Variants in SAMD12 observed in about 807,000 individuals in gnomAD.
The protein encoded by SAMD12 is sterile alpha motif domain containing 12.
A neutral mutation model predicts 15.0 loss-of-function variants in SAMD12; 9 were observed. The ratio of observed to expected loss-of-function variants is 0.60; its 90% CI spans 0.36 to 1.05. The LOEUF (loss-of-function observed/expected upper bound fraction) is 1.05, where lower values mean the gene tolerates loss of function less well. Among genes scored for constraint, SAMD12 ranks in the 50% least tolerant of loss-of-function variants. The probability of loss-of-function intolerance (pLI) is 0.01; values close to 1 mark genes in which losing one functional copy is unlikely to be tolerated. For synonymous variants in SAMD12, 86 were observed against 90.1 expected (o/e 0.96, Z 0.25); for missense variants, 230 against 234.2 (o/e 0.98, Z 0.12).
chr8:118,264,224 AG>A (rs1328319323), intron 4 of SAMD12, among the ~76,000 whole-genome samples: 11 of 152,072 alleles, frequency 7.2e-5, no homozygotes, highest in African/African-American at 2.2e-4. Flanking sequence ...GTGTTTATGT[AG>A]TACAAATACT....
At chr8:118,432,817 A>ACTCCTCTAAG (rs1417514516) in intron 3 of SAMD12, among the ~76,000 whole-genome samples, 1 of 152,084 alleles carries the variant, frequency 6.6e-6, no homozygotes, top group Non-Finnish European at 1.5e-5. Flanking sequence ...AGGAGGAGGG[A>ACTCCTCTAAG]GTATAGGCAA....
At chr8:118,518,364 A>C (rs1288565936) in intron 2 of SAMD12, among the ~76,000 whole-genome samples, 1 of 152,222 alleles carries the variant, frequency 6.6e-6, no homozygotes, top group Non-Finnish European at 1.5e-5. Context: ...GATAGGAAGT[A>C]ACAAAGGCGA....
At chr8:118,353,489 G>C (rs1297798078) in intron 4 of SAMD12, among the ~76,000 whole-genome samples, 1 of 151,932 alleles carries the variant, frequency 6.6e-6, no homozygotes, top group Non-Finnish European at 1.5e-5. Context: ...TCTCCTCCGT[G>C]TGAGGCAACT....
At chr8:118,373,950 G>A (rs891063227), downstream of SAMD12, among the ~76,000 whole-genome samples, 13 of 151,864 alleles carry the variant, frequency 8.6e-5, no homozygotes, top group Non-Finnish European at 1.5e-4. Flanking sequence ...TTTTTACTTC[G>A]TAAAGCAGGG....
At chr8:118,156,234 T>C in the SAMD12 span, among the ~76,000 whole-genome samples, 2 of 152,124 alleles carry the variant, frequency 1.3e-5, no homozygotes, top group African/African-American at 2.4e-5. Flanking sequence ...TCCATGGCAC[T>C]TTACATGGCA....
chr8:118,266,977 T>C (rs1214663513), intron 4 of SAMD12, among the ~76,000 whole-genome samples: 1 of 152,164 alleles, frequency 6.6e-6, no homozygotes, highest in Non-Finnish European at 1.5e-5. Flanking sequence ...TAAGAAAGTA[T>C]ATTTTAAGCA....
chr8:118,432,142 G>A (rs59298785), intron 3 of SAMD12, among the ~76,000 whole-genome samples: 88,554 of 151,878 alleles, frequency 0.58, 26,735 homozygotes, highest in Admixed American at 0.66. Flanking sequence ...ATCTGTTCTG[G>A]CATATAGTTT....
chr8:118,537,690 T>G (rs1825882941), intron 2 of SAMD12, among the ~76,000 whole-genome samples: 1 of 152,236 alleles, frequency 6.6e-6, no homozygotes, highest in East Asian at 1.9e-4. Flanking sequence ...CTTCTCTGTG[T>G]TATCCTGTAT....
intron 3 of SAMD12, among the ~76,000 whole-genome samples, chr8:118,407,335 C>G (rs1412888530): frequency 9.5e-6 from 1 of 105,562 alleles, no homozygotes; most frequent in Non-Finnish European, 2.1e-5. Flanking sequence ...TTGTAATTTT[C>G]TGTTTTTCAA....
intron 4 of SAMD12, among the ~76,000 whole-genome samples, chr8:118,277,180 T>A (rs150736149): frequency 2.8e-4 from 42 of 152,204 alleles, no homozygotes; most frequent in African/African-American, 9.9e-4. Context: ...GACAGCTGAT[T>A]CAATCTGCTA....
At chr8:118,277,939 C>T (rs1218178107) in intron 4 of SAMD12, among the ~76,000 whole-genome samples, 2 of 152,106 alleles carry the variant, frequency 1.3e-5, no homozygotes, top group Non-Finnish European at 2.9e-5. Context: ...CCACAGCAAA[C>T]AATGTAGTTA....
intron 4 of SAMD12, among the ~76,000 whole-genome samples, chr8:118,334,363 T>G (rs532247422): frequency 6.6e-6 from 1 of 152,238 alleles, no homozygotes; most frequent in East Asian, 1.9e-4. Flanking sequence ...CCCAGCTCTT[T>G]GATATTCAGG....
chr8:118,541,974 A>C (rs1276182046), intron 2 of SAMD12, among the ~76,000 whole-genome samples: 1 of 152,212 alleles, frequency 6.6e-6, no homozygotes, highest in Non-Finnish European at 1.5e-5. Flanking sequence ...GATGCAAGCT[A>C]TGGTGCCCAG....
chr8:118,240,602 G>A (rs1812541870), intron 4 of SAMD12, among the ~76,000 whole-genome samples: 1 of 152,088 alleles, frequency 6.6e-6, no homozygotes, highest in African/African-American at 2.4e-5. Flanking sequence ...AATGGTGCTT[G>A]TTAAACACAA....
chr8:118,184,705 C>T (rs1363680005), downstream of SAMD12, among the ~76,000 whole-genome samples: 1 of 152,106 alleles, frequency 6.6e-6, no homozygotes, highest in African/African-American at 2.4e-5. Context: ...CCATCTTGCC[C>T]AGGCTCATCT....
intron 4 of SAMD12, among the ~76,000 whole-genome samples, chr8:118,324,207 T>G (rs1411612362): frequency 1.3e-5 from 2 of 152,124 alleles, no homozygotes; most frequent in African/African-American, 4.8e-5. Flanking sequence ...CCAGAAAAGA[T>G]TTCAACAAAG....
At chr8:118,275,371 TA>T (rs1813448393) in intron 4 of SAMD12, among the ~76,000 whole-genome samples, 1 of 152,206 alleles carries the variant, frequency 6.6e-6, no homozygotes, top group African/African-American at 2.4e-5. Context: ...AGTATTTGAA[TA>T]ATAGGTAATT....
rs201814830 is a variant in SAMD12 at position 118,489,295 on chromosome 8, CTTT to C, written c.193-49337_193-49335del. ...TATCTTCAGCTAGCCTGTGACTTGT[CTTT>C]TTATTCTGCCATGTCTTGATGATCA... On this transcript the variant is annotated intron_variant, in intron 2 of 3. Transcript: ENST00000314727. Among the ~76,000 whole-genome samples the C allele has an allele frequency of 8.8e-3, 1,335 of 152,134 alleles. 20 individuals carry two copies. Among genetic ancestry groups the C allele is most frequent in the African/African-American group, 0.029 (1,222 of 41,508 alleles).
chr8:118,392,667 A>G (rs1820348563), intron 3 of SAMD12, among the ~76,000 whole-genome samples: 1 of 152,222 alleles, frequency 6.6e-6, no homozygotes, highest in African/African-American at 2.4e-5. Flanking sequence ...GTCAAATTTC[A>G]AAAGTCATCA....
Sources: allele counts gnomAD v4.1 joint callset (sites outside exome capture counted in the v4.1 genomes callset), GRCh38; gene constraint gnomAD v4.1.1; transcripts MANE v1.5; gene names NCBI Gene and HGNC (gene_info 2026-07-23, HGNC 2026-07-21).